Variants in EXOC2 observed in about 807,000 individuals in gnomAD.
EXOC2 encodes the protein SEC5-like 1.
EXOC2 carries 70 observed loss-of-function variants against 131.8 expected under a neutral mutation model. That is an observed-to-expected ratio of 0.53 (90% CI 0.44 to 0.65). The LOEUF is 0.65. Among genes scored for constraint, EXOC2 ranks in the 30% least tolerant of loss-of-function variants. The probability of loss-of-function intolerance (pLI) is 0.00; values close to 1 mark genes in which losing one functional copy is unlikely to be tolerated. For synonymous variants in EXOC2, 411 were observed against 398.4 expected (o/e 1.03, Z -0.38); for missense variants, 923 against 1,108.6 (o/e 0.83, Z 2.38).
At chr6:629,741 G>A (rs1055325471) in intron 4 of EXOC2, 94 bp downstream of exon 4, 29 of 1,459,222 alleles carry the variant, frequency 2.0e-5, no homozygotes, top group Middle Eastern at 1.8e-4. Flanking sequence ...GTGTTTCCTG[G>A]GATGTTTCTG....
chr6:630,575 T>TC (rs1356289405), intron 3 of EXOC2, among the ~76,000 whole-genome samples: 1 of 152,240 alleles, frequency 6.6e-6, no homozygotes, highest in Non-Finnish European at 1.5e-5. Context: ...TAAGGACATT[T>TC]CACTACAAAT....
rs552778534 is a variant in EXOC2, at chr6:654,668, G to A, written c.-43-16807C>T. Reference sequence around the variant, plus strand: ...AAAATTAAAAAGTTAGCTGGGCATGGTGGCATGAGCCTGTAGTCCCAGCTA... The same window carrying A: ...AAAATTAAAAAGTTAGCTGGGCATGATGGCATGAGCCTGTAGTCCCAGCTA... On this transcript the variant is annotated intron_variant, in intron 1 of 27. Transcript: ENST00000230449. Among the ~76,000 whole-genome samples the A allele has an allele frequency of 1.7e-4, 26 of 151,714 alleles. 1 individual carries two copies. In the South Asian group the frequency reaches 5.2e-3, roughly 30 times the overall value.
At chr6:686,048 G>T (rs1351484152) in intron 1 of EXOC2, among the ~76,000 whole-genome samples, 1 of 149,688 alleles carries the variant, frequency 6.7e-6, no homozygotes, top group Non-Finnish European at 1.5e-5. Flanking sequence ...TGCAACCTCC[G>T]ACTCCTTGGT....
chr6:497,090 GA>G (rs2127476882), intron 25 of EXOC2, among the ~76,000 whole-genome samples: 1 of 152,304 alleles, frequency 6.6e-6, no homozygotes, highest in Non-Finnish European at 1.5e-5. Flanking sequence ...AAGATAGTTG[GA>G]AAATAAAAAT....
Position 555,338 on chromosome 6 carries a change from C to T in EXOC2, c.1993-50G>A, listed in dbSNP as rs371752574. On this transcript the variant is annotated intron_variant, in intron 19 of 27. Coordinates refer to ENST00000230449, the MANE Select transcript of EXOC2 (RefSeq NM_018303.6). Reference sequence around the variant, plus strand: ...ACTCTCAGAGGAATGAACTCCTAGACATTAATCTATTTGGACACTAAAGAT... The same window carrying T: ...ACTCTCAGAGGAATGAACTCCTAGATATTAATCTATTTGGACACTAAAGAT... 1.4e-5 allele frequency: 17 copies of T among 1,195,334 alleles called. No individual in the cohort carries two copies. The African/African-American group carries it at 2.1e-4, about 15-fold the overall frequency. The allele number at this position is 1,195,334 out of a possible 1,614,324, so 74.0% of individuals were successfully genotyped here.
intron 1 of EXOC2, among the ~76,000 whole-genome samples, chr6:687,936 T>C (rs183483517): frequency 6.6e-6 from 1 of 152,342 alleles, no homozygotes; most frequent in Admixed American, 6.5e-5. Context: ...TAAGCATGTA[T>C]AAAGGCCAAC....
At chr6:612,190 CCAAA>C (rs1238112744) in intron 6 of EXOC2, among the ~76,000 whole-genome samples, 1 of 152,208 alleles carries the variant, frequency 6.6e-6, no homozygotes, top group Non-Finnish European at 1.5e-5. Flanking sequence ...CTATGAAGAA[CCAAA>C]CAGTCAACAC....
intron 1 of EXOC2, among the ~76,000 whole-genome samples, chr6:690,873 C>T (rs531521830): frequency 6.6e-6 from 1 of 152,254 alleles, no homozygotes; most frequent in South Asian, 2.1e-4. Context: ...GAACATATTC[C>T]CCAGGATCTG....
intron 1 of EXOC2, among the ~76,000 whole-genome samples, chr6:639,336 G>A (rs1238835180): frequency 8.8e-6 from 1 of 113,492 alleles, no homozygotes; most frequent in Non-Finnish European, 1.9e-5. Flanking sequence ...AGGTGTGCAA[G>A]CCCCTCCTGC....
chr6:540,895 G>A (rs959382627), intron 22 of EXOC2, among the ~76,000 whole-genome samples: 1 of 152,148 alleles, frequency 6.6e-6, no homozygotes, highest in African/African-American at 2.4e-5. Context: ...ATCTAAAAAG[G>A]AGCCAAGGAA....
chr6:619,324 C>T, intron 5 of EXOC2, 106 bp downstream of exon 5: 3 of 834,598 alleles, frequency 3.6e-6, no homozygotes, highest in Non-Finnish European at 3.9e-6. Flanking sequence ...GACCTAAAAC[C>T]ATGTAACTGT....
Position 548,607 on chromosome 6 carries a change from G to A in EXOC2, c.2238+568C>T, listed in dbSNP as rs1756985356. Among the ~76,000 whole-genome samples the A allele has an allele frequency of 2.0e-5, 3 of 152,250 alleles. No homozygotes were observed. In the South Asian group the frequency reaches 6.2e-4, roughly 32 times the overall value. On this transcript the variant is annotated intron_variant, in intron 22 of 27. Coordinates refer to ENST00000230449, the MANE Select transcript of EXOC2 (RefSeq NM_018303.6). ...TCTTTCTGCGTGCAGTGATTGGAGA[G>A]TGGGGAGGACATATTTTTCAGGTAG...
At chr6:656,123 G>A (rs1478715905) in intron 1 of EXOC2, 1 of 1,605,534 alleles carries the variant, frequency 6.2e-7, no homozygotes, top group Admixed American at 1.7e-5. Flanking sequence ...AGGCAGGAAT[G>A]AAATACTGAA....
At position 650,008 on chromosome 6, in the gene EXOC2, G is replaced by A. The variant is rs554721357; in HGVS notation, c.-43-12147C>T. Among the ~76,000 whole-genome samples, 66 of 152,186 alleles carry A rather than the reference G, an allele frequency of 4.3e-4. 1 individual carries two copies. The highest frequency in any genetic ancestry group is 1.6e-3 in the African/African-American group (66 of 41,494). On this transcript the variant is annotated intron_variant, in intron 1 of 27. Transcript: ENST00000230449. ...TATTTTCATTGAATTATCATTTTGTGTGGCAAATAAATTCCTTCCTGCCTG... is the reference window on the plus strand; with the variant it reads ...TATTTTCATTGAATTATCATTTTGTATGGCAAATAAATTCCTTCCTGCCTG...
Position 629,686 on chromosome 6 carries a change from T to A in EXOC2, c.422+149A>T, listed in dbSNP as rs1761746834. On this transcript the variant is annotated intron_variant, in intron 4 of 27. Transcript: ENST00000230449. ...TTACTTGCAGCATAGCTAACAAGGCTTCATAAATAACACCCATCTCCAAAC... is the reference window on the plus strand; with the variant it reads ...TTACTTGCAGCATAGCTAACAAGGCATCATAAATAACACCCATCTCCAAAC... The A allele has an allele frequency of 3.3e-6, 3 of 910,336 alleles. No individual in the cohort carries two copies. The East Asian group carries it at 8.7e-5, about 26-fold the overall frequency. The allele number at this position is 910,336 out of a possible 1,614,324, so 56.4% of individuals were successfully genotyped here.
chr6:547,545 A>T (rs1756932146), intron 22 of EXOC2, among the ~76,000 whole-genome samples: 1 of 152,222 alleles, frequency 6.6e-6, no homozygotes, highest in African/African-American at 2.4e-5. Context: ...TGGAGGGAAA[A>T]CTATGAAAAA....
At chr6:583,887 T>A (rs1236092237) in intron 11 of EXOC2, among the ~76,000 whole-genome samples, 1 of 152,224 alleles carries the variant, frequency 6.6e-6, no homozygotes, top group Admixed American at 6.5e-5. Context: ...GAGGGCAAGA[T>A]GGAAAGAAAC....
At chr6:543,154 T>C (rs1756650940) in intron 22 of EXOC2, among the ~76,000 whole-genome samples, 1 of 152,184 alleles carries the variant, frequency 6.6e-6, no homozygotes, top group African/African-American at 2.4e-5. Context: ...TGGAAGATGG[T>C]TCAGGGGTTG....
chr6:625,518 C>CTTTTTTTT (rs796295514), intron 4 of EXOC2, among the ~76,000 whole-genome samples: 6 of 108,054 alleles, frequency 5.6e-5, no homozygotes, highest in Non-Finnish European at 9.6e-5. Context: ...TGTTTCCGTT[C>CTTTTTTTT]TTTTTTTTTT....
Sources: gnomAD v4.1 joint callset for allele counts (sites outside exome capture counted in the v4.1 genomes callset) on GRCh38, gnomAD v4.1.1 for gene constraint, MANE v1.5 for transcripts, NCBI Gene and HGNC (gene_info 2026-07-23, HGNC 2026-07-21) for gene names.